CCDC178: variants seen among roughly 807,000 people sequenced by gnomAD.
The protein encoded by CCDC178 is coiled-coil domain-containing protein 178.
A neutral mutation model predicts 117.4 loss-of-function variants in CCDC178; 126 were observed. That is an observed-to-expected ratio of 1.07 (90% CI 0.93 to 1.24). CCDC178 has a LOEUF of 1.24. CCDC178 is among the 50% of genes most tolerant of loss of function. The probability of loss-of-function intolerance (pLI) is 0.00; values close to 1 mark genes in which losing one functional copy is unlikely to be tolerated. For synonymous variants in CCDC178, 283 were observed against 313.4 expected, an observed-to-expected ratio of 0.90 and a Z score of 1.02; for missense variants, 1,030 against 986.9, an observed-to-expected ratio of 1.04 and a Z score of -0.59.
intron 21 of CCDC178, among the ~76,000 whole-genome samples, chr18:33,021,832 T>G (rs7239282): frequency 0.15 from 23,159 of 152,148 alleles, 2,623 homozygotes; most frequent in African/African-American, 0.32. Context: ...TGCTTTATAT[T>G]TTTATTGCCT....
intron 2 of CCDC178, among the ~76,000 whole-genome samples, chr18:33,438,971 T>C (rs2064335303): frequency 6.6e-6 from 1 of 152,206 alleles, no homozygotes; most frequent in Non-Finnish European, 1.5e-5. Flanking sequence ...TTGTGTGTAA[T>C]TGTTTTCCCA....
At chr18:33,249,713 C>T (rs1011484352) in intron 14 of CCDC178, among the ~76,000 whole-genome samples, 1 of 152,138 alleles carries the variant, frequency 6.6e-6, no homozygotes, top group Non-Finnish European at 1.5e-5. Context: ...ATGCCTTCAG[C>T]TTTGTTCTTT....
At chr18:33,321,702 C>G (rs1466770981) in intron 11 of CCDC178, among the ~76,000 whole-genome samples, 1 of 150,456 alleles carries the variant, frequency 6.6e-6, no homozygotes, top group Non-Finnish European at 1.5e-5. Context: ...TAATCAAATT[C>G]AAGAAATAAG....
At chr18:33,018,147 G>A (rs1280443348) in intron 21 of CCDC178, among the ~76,000 whole-genome samples, 1 of 151,960 alleles carries the variant, frequency 6.6e-6, no homozygotes, top group Non-Finnish European at 1.5e-5. Context: ...TTTATCCAAA[G>A]AAGATATATA....
At chr18:33,182,960 T>A (rs1261433864) in intron 20 of CCDC178, among the ~76,000 whole-genome samples, 1 of 152,030 alleles carries the variant, frequency 6.6e-6, no homozygotes, top group Non-Finnish European at 1.5e-5. Context: ...TCAGTTTTTA[T>A]TACATCACAC....
chr18:33,247,247 C>A (rs1308638051), intron 14 of CCDC178, among the ~76,000 whole-genome samples: 1 of 151,632 alleles, frequency 6.6e-6, no homozygotes, highest in Non-Finnish European at 1.5e-5. Flanking sequence ...ACCCAAAGCA[C>A]TTTAGGTGAT....
intron 14 of CCDC178, among the ~76,000 whole-genome samples, chr18:33,259,678 A>T (rs2059719301): frequency 6.6e-6 from 1 of 151,858 alleles, no homozygotes; most frequent in African/African-American, 2.4e-5. Flanking sequence ...CTCTCCCAAC[A>T]TGTGGGGATT....
chr18:33,300,771 A>G (rs1014066376), intron 11 of CCDC178, among the ~76,000 whole-genome samples: 6 of 152,182 alleles, frequency 3.9e-5, no homozygotes, highest in African/African-American at 1.4e-4. Context: ...GGCTGCTTCT[A>G]ATGACCTATT....
At chr18:33,382,821 G>A (rs1252912994) in intron 5 of CCDC178, among the ~76,000 whole-genome samples, 1 of 152,154 alleles carries the variant, frequency 6.6e-6, no homozygotes, top group Non-Finnish European at 1.5e-5. Flanking sequence ...TGAGACAGGA[G>A]AACCATCCAC....
chr18:33,306,620 T>TTA lies in CCDC178; in HGVS notation c.1023-13310_1023-13309dup, dbSNP rs369059269. 9.8e-4 allele frequency among the ~76,000 whole-genome samples: 138 copies of TTA among 141,298 alleles called. 1 individual carries two copies. The highest frequency in any genetic ancestry group is 3.6e-3 in the Middle Eastern group (1 of 278). 92.7% of individuals were successfully genotyped at this position (141,298 alleles called of 152,430 possible). On this transcript the variant is annotated intron_variant, in intron 11 of 22. Transcript: ENST00000383096. ...TATATGGTTTTTTATATATATATGG[T>TTA]TATATATATATATAAGGTTATATGT...
intron 20 of CCDC178, among the ~76,000 whole-genome samples, chr18:33,107,650 C>CT (rs2057725876): frequency 2.0e-5 from 3 of 151,556 alleles, no homozygotes; most frequent in Non-Finnish European, 4.4e-5. Flanking sequence ...TCCAGTTTTT[C>CT]TTTTTCTTTT....
chr18:33,077,801 C>T (rs1415204655), intron 21 of CCDC178, among the ~76,000 whole-genome samples: 1 of 152,050 alleles, frequency 6.6e-6, no homozygotes, highest in Admixed American at 6.6e-5. Context: ...GCCTACCAAT[C>T]AAAAACAGCC....
chr18:33,367,987 T>C (rs1307249077), intron 6 of CCDC178, among the ~76,000 whole-genome samples: 1 of 151,962 alleles, frequency 6.6e-6, no homozygotes, highest in African/African-American at 2.4e-5. Context: ...ATCATTGTTA[T>C]TGTGTGTTTC....
At chr18:33,072,751 G>T (rs1434086623) in intron 21 of CCDC178, among the ~76,000 whole-genome samples, 1 of 152,016 alleles carries the variant, frequency 6.6e-6, no homozygotes, top group African/African-American at 2.4e-5. Context: ...TGTTCTGCAG[G>T]TTTCACTTTT....
intron 2 of CCDC178, among the ~76,000 whole-genome samples, chr18:33,423,568 ACTTTT>A (rs1199943863): frequency 2.6e-5 from 4 of 151,964 alleles, no homozygotes; most frequent in Non-Finnish European, 5.9e-5. Context: ...ATTCTTGTAC[ACTTTT>A]CTTTGTGTAT....
Position 33,392,683 on chromosome 18 carries a change from T to C in CCDC178, c.119-3054A>G, listed in dbSNP as rs138692121. On this transcript the variant is annotated intron_variant, in intron 4 of 22. Transcript: ENST00000383096. The stretch of plus-strand genomic sequence containing the variant: ...TGTATAAACCTAATGCATTATTATT[T>C]AAAAAGAAGAATTAAAAATATAAAA... Among the ~76,000 whole-genome samples, 52 of 152,088 alleles carry C rather than the reference T, an allele frequency of 3.4e-4. No homozygotes were observed. In the East Asian group the frequency reaches 9.3e-3, roughly 27 times the overall value.
intron 2 of CCDC178, among the ~76,000 whole-genome samples, chr18:33,435,715 ATAAT>A (rs1334088130): frequency 2.7e-5 from 4 of 150,696 alleles, no homozygotes; most frequent in African/African-American, 7.3e-5. Context: ...TAATACAATA[ATAAT>A]TAAGCTACAA....
At chr18:33,302,653 A>G (rs2062191560) in intron 11 of CCDC178, among the ~76,000 whole-genome samples, 2 of 152,214 alleles carry the variant, frequency 1.3e-5, no homozygotes, top group South Asian at 2.1e-4. Flanking sequence ...TGTGATATGT[A>G]TACACGACGT....
chr18:33,170,446 A>C (rs1452040415), intron 20 of CCDC178, among the ~76,000 whole-genome samples: 3 of 152,158 alleles, frequency 2.0e-5, no homozygotes, highest in Admixed American at 6.6e-5. Flanking sequence ...AAAACGAAAT[A>C]ATCACAAAAT....
Sources: allele counts gnomAD v4.1 joint callset (sites outside exome capture counted in the v4.1 genomes callset), GRCh38; gene constraint gnomAD v4.1.1; transcripts MANE v1.5; gene names NCBI Gene and HGNC (gene_info 2026-07-23, HGNC 2026-07-21).